The following LRRK1 variants were observed in gnomAD, a reference collection of about 807,000 sequenced individuals.
LRRK1 encodes leucine-rich repeat serine/threonine-protein kinase 1.
LRRK1 carries 113 observed loss-of-function variants against 209.1 expected under a neutral mutation model. The observed-to-expected ratio is 0.54, with a 90% CI of 0.46 to 0.63. The LOEUF (loss-of-function observed/expected upper bound fraction) is 0.63. Among genes scored for constraint, LRRK1 ranks in the 30% least tolerant of loss-of-function variants. The pLI is 0.00. For missense variants in LRRK1, 2,284 were observed against 2,632.2 expected (o/e 0.87, Z 2.89); for synonymous variants, 1,144 against 1,099.7 (o/e 1.04, Z -0.80).
rs117979645 is a variant in LRRK1 at position 100,981,783 on chromosome 15, A to G, written c.262-1745A>G. On this transcript the variant is annotated intron_variant, in intron 3 of 33. Transcript: ENST00000388948. ...ATGTGAATAAAGTACTCAGTCCAGC[A>G]TCTGGCACCTGGTGAGAGCTTTGAT... Among the ~76,000 whole-genome samples the G allele has an allele frequency of 8.5e-5, 13 of 152,346 alleles. No homozygotes were observed. The East Asian group carries it at 2.3e-3, about 27-fold the overall frequency.
At chr15:100,932,318 C>T (rs2042227541) in intron 2 of LRRK1, among the ~76,000 whole-genome samples, 1 of 152,176 alleles carries the variant, frequency 6.6e-6, no homozygotes, top group Admixed American at 6.5e-5. Context: ...TCTTCCAAAG[C>T]ACATGTATGG....
chr15:101,023,149 T>C (rs924044684), intron 15 of LRRK1, among the ~76,000 whole-genome samples: 1 of 152,112 alleles, frequency 6.6e-6, no homozygotes, highest in Admixed American at 6.5e-5. Context: ...CTAAAAGCAC[T>C]CTGGGACTTA....
In LRRK1 at chr15:101,028,942, C is replaced by A. The variant is rs780749353; in HGVS notation, c.2687-14C>A. 6 of 1,612,822 alleles carry A rather than the reference C, an allele frequency of 3.7e-6. No homozygotes were observed. In the South Asian group the frequency reaches 6.6e-5, roughly 18 times the overall value. The stretch of plus-strand genomic sequence containing the variant: ...TGTCTAACTGCTGCTTCCTCCTCTC[C>A]TTGCCTGGGGCAGCCATCAGCTTCC... On this transcript the variant is annotated splice_polypyrimidine_tract_variant and intron_variant, in intron 19 of 33. Transcript: ENST00000388948.
intron 6 of LRRK1, among the ~76,000 whole-genome samples, chr15:100,998,687 A>G (rs2032542575): frequency 6.6e-6 from 1 of 151,826 alleles, no homozygotes; most frequent in South Asian, 2.1e-4. Context: ...TTGGATAGAT[A>G]GATGGGTCAG....
Position 101,028,985 on chromosome 15 carries a change from C to T in LRRK1, c.2716C>T (p.Leu906=), listed in dbSNP as rs1567246086. 1 of 1,614,214 alleles carries T rather than the reference C, an allele frequency of 6.2e-7. No individual in the cohort carries two copies. The highest frequency in any genetic ancestry group is 8.5e-7 in the Non-Finnish European group (1 of 1,180,044). ...CAGCTTCCTCATAGAAACCGGCACC[C>T]TGCTCCATTTCCCGGACACCAGCCA... ...AISFLIETGT[L]LHFPDTSHGL... Residue 906 remains leucine (L), a synonymous_variant, in exon 20 of 34, where the codon CTG becomes TTG. Coordinates refer to ENST00000388948, the MANE Select transcript of LRRK1 (RefSeq NM_024652.6).
chr15:101,060,052 G>T (rs1435996388), intron 29 of LRRK1, among the ~76,000 whole-genome samples: 3 of 152,192 alleles, frequency 2.0e-5, no homozygotes, highest in Non-Finnish European at 4.4e-5. Flanking sequence ...GAAGACAGAG[G>T]CCTCTTCCTG....
At chr15:100,962,246 C>T (rs895287693) in intron 2 of LRRK1, among the ~76,000 whole-genome samples, 11 of 152,166 alleles carry the variant, frequency 7.2e-5, no homozygotes, top group African/African-American at 2.7e-4. Flanking sequence ...TTTAAAACTC[C>T]AGGCTGGGCA....
intron 6 of LRRK1, among the ~76,000 whole-genome samples, chr15:100,991,315 T>C (rs550762884): frequency 1.3e-5 from 2 of 152,362 alleles, no homozygotes; most frequent in South Asian, 4.1e-4. Context: ...GACTGGACTA[T>C]TATCGGACAT....
rs2031169833 is a variant in LRRK1 at position 100,974,401 on chromosome 15, T to C, written c.261+434T>C. ...TAAAACCCACTTAACAGTTTTGCTG[T>C]ATTTTCTTCCAGCCTGCCGATCTGA... On this transcript the variant is annotated intron_variant, in intron 3 of 33. Transcript: ENST00000388948. Among the ~76,000 whole-genome samples the C allele has an allele frequency of 2.0e-5, 3 of 151,600 alleles. No individual in the cohort carries two copies. The South Asian group carries it at 6.3e-4, about 32-fold the overall frequency.
chr15:101,013,466 G>A (rs558127508), intron 10 of LRRK1, among the ~76,000 whole-genome samples: 1 of 152,154 alleles, frequency 6.6e-6, no homozygotes, highest in South Asian at 2.1e-4. Flanking sequence ...TGATGGCTCA[G>A]ACCTGGGCAC....
rs2041988513 is a variant in LRRK1 at position 100,919,833 on chromosome 15, T to G, written c.-123+382T>G. Among the ~76,000 whole-genome samples, 1 of 151,802 alleles carries G rather than the reference T, an allele frequency of 6.6e-6. No individual in the cohort carries two copies. The highest frequency in any genetic ancestry group is 6.6e-5 in the Admixed American group (1 of 15,264). The stretch of plus-strand genomic sequence containing the variant: ...CGGGAGACACGAGCCGGGGAGCCCA[T>G]AGGTTTCCTCTGCCTTTGGAGCGAA... On this transcript the variant is annotated intron_variant, in intron 1 of 33. Coordinates refer to ENST00000388948, the MANE Select transcript of LRRK1 (RefSeq NM_024652.6). This position sits in a 1 kb window ranked among gnomAD's most constrained non-coding sequence, Gnocchi z 5.8.
intron 4 of LRRK1, among the ~76,000 whole-genome samples, chr15:100,984,181 A>G (rs1301539056): frequency 6.6e-6 from 1 of 151,952 alleles, no homozygotes; most frequent in Non-Finnish European, 1.5e-5. Context: ...TTTCAGAACC[A>G]TGGTTTTAAG....
intron 2 of LRRK1, among the ~76,000 whole-genome samples, chr15:100,928,656 A>G (rs2042155907): frequency 6.6e-6 from 1 of 152,168 alleles, no homozygotes; most frequent in Non-Finnish European, 1.5e-5. Flanking sequence ...TTTAAAAAAG[A>G]GTGTCTACTC....
At chr15:100,993,032 G>A (rs928434964) in intron 6 of LRRK1, among the ~76,000 whole-genome samples, 3 of 152,146 alleles carry the variant, frequency 2.0e-5, no homozygotes, top group African/African-American at 7.2e-5. Context: ...AGACTTCCTG[G>A]TTCTTATCTG....
rs2032003446 is a variant in LRRK1, at chr15:100,988,727, A to G, written c.527A>G (p.His176Arg). The G allele has an allele frequency of 1.2e-6, 2 of 1,614,078 alleles. No homozygotes were observed. The highest frequency in any genetic ancestry group is 1.3e-5 in the African/African-American group (1 of 74,932). The change falls in exon 5 of 34, where the codon CAC becomes CGC. Residue 176 changes from histidine to arginine, a missense_variant. His to Arg is a conservative substitution (Grantham distance 29, BLOSUM62 0). Around this residue, in one of 6 missense-constraint regions of LRRK1, gnomAD observed 134 missense variants for 191.7 expected, o/e 0.70. Coordinates refer to ENST00000388948, the MANE Select transcript of LRRK1 (RefSeq NM_024652.6). ...LGVVKLLVLT[H>R]GADPESYAVR... ...GTTGTGAAGCTCCTGGTCCTGACGCACGGGGCTGACCCGGAGAGCTACGCT... is the reference window on the plus strand; with the variant it reads ...GTTGTGAAGCTCCTGGTCCTGACGCGCGGGGCTGACCCGGAGAGCTACGCT...
rs114474303 is a variant in LRRK1 at position 100,936,699 on chromosome 15, C to T, written c.97+11970C>T. On this transcript the variant is annotated intron_variant, in intron 2 of 33. Transcript: ENST00000388948. The stretch of plus-strand genomic sequence containing the variant: ...CTGCTTCTATGGGGCAACTTGGGGT[C>T]TGTGGGATGTGCAGTCCTCTATGAT... 2.1e-3 allele frequency among the ~76,000 whole-genome samples: 317 copies of T among 152,264 alleles called. 1 individual carries two copies. Among genetic ancestry groups the T allele is most frequent in the African/African-American group, 7.3e-3 (304 of 41,546 alleles).
intron 17 of LRRK1, 113 bp downstream of exon 17, chr15:101,026,250 C>T: frequency 9.5e-7 from 1 of 1,052,664 alleles, no homozygotes; most frequent in Non-Finnish European, 1.4e-6. Context: ...GGCCCCTTTC[C>T]TGGCCAAGGG....
At chr15:100,931,646 C>T (rs1350864030) in intron 2 of LRRK1, among the ~76,000 whole-genome samples, 5 of 152,202 alleles carry the variant, frequency 3.3e-5, no homozygotes, top group East Asian at 1.9e-4. Context: ...GTGGGGCTGG[C>T]GCGGGAGGCC....
At chr15:101,006,326 G>A (rs1246359711) in intron 6 of LRRK1, among the ~76,000 whole-genome samples, 2 of 147,818 alleles carry the variant, frequency 1.4e-5, no homozygotes, top group African/African-American at 2.5e-5. Context: ...ATCTGCCCCC[G>A]ATGAAGAGGC....
Sources: allele counts gnomAD v4.1 joint callset (sites outside exome capture counted in the v4.1 genomes callset), GRCh38; gene constraint gnomAD v4.1.1; regional missense constraint gnomAD v4.1.1; non-coding constraint Gnocchi (gnomAD v3.1); transcripts MANE v1.5; gene names NCBI Gene and HGNC (gene_info 2026-07-23, HGNC 2026-07-21).